The following NPM2 variants were observed in gnomAD, a reference collection of about 807,000 sequenced individuals.
The protein encoded by NPM2 is nucleophosmin/nucleoplasmin 2, also known as nucleoplasmin-2.
In NPM2, 25 loss-of-function variants were observed where a neutral mutation model predicts 32.0. That is an observed-to-expected ratio of 0.78 (90% CI 0.57 to 1.09). The LOEUF is 1.09. Ranked by LOEUF, NPM2 falls within the 50% of genes least tolerant of loss-of-function variation. The pLI, the probability that NPM2 is intolerant of heterozygous loss-of-function variation, is 0.00. For missense variants in NPM2, 282 were observed against 259.9 expected, an observed-to-expected ratio of 1.08 and a Z score of -0.58; for synonymous variants, 111 against 94.2, an observed-to-expected ratio of 1.18 and a Z score of -1.04.
At chr8:22,032,667 C>A (rs1211838177) in intron 5 of NPM2, among the ~76,000 whole-genome samples, 1 of 152,148 alleles carries the variant, frequency 6.6e-6, no homozygotes, top group Non-Finnish European at 1.5e-5. Flanking sequence ...TTGCAGACGG[C>A]AGCCTTCTTG....
At chr8:22,024,922 C>T (rs1800182054) in intron 2 of NPM2, 92 bp downstream of exon 2, 2 of 372,220 alleles carry the variant, frequency 5.4e-6, no homozygotes, top group Admixed American at 4.7e-5. Flanking sequence ...TTGAGTCAGG[C>T]CCAAGCGCAG....
Position 22,025,781 on chromosome 8 carries a change from T to G in NPM2, c.270+9T>G, listed in dbSNP as rs202104032. On this transcript the variant is annotated intron_variant, in intron 5 of 9. Transcript: ENST00000518119. The stretch of plus-strand genomic sequence containing the variant: ...CCTCAGTCCTCCCCATGGTGCGCAT[T>G]TCCCTGCTGGCTGGAAGACTGCTGT... 5.0e-5 allele frequency: 81 copies of G among 1,613,786 alleles called. No individual in the cohort carries two copies. In the African/African-American group the frequency reaches 9.7e-4, roughly 19 times the overall value.
In NPM2 at chr8:22,025,287, A is replaced by G. The variant is rs1563350081; in HGVS notation, c.39A>G (p.Ala13=). 1 of 1,611,122 alleles carries G rather than the reference A, an allele frequency of 6.2e-7. No individual in the cohort carries two copies. Among genetic ancestry groups the G allele is most frequent in the South Asian group, 1.1e-5 (1 of 90,618 alleles). The change falls in exon 3 of 10, where the codon GCA becomes GCG. Residue 13 remains alanine (A), a synonymous_variant. Coordinates refer to ENST00000518119, the MANE Select transcript of NPM2 (RefSeq NM_001286680.2). ...GCGCCAGTAGCACGGAGGAAAAGGCAGTGACGACCGTGCTCTGGGGTGAGT... is the reference window on the plus strand; with the variant it reads ...GCGCCAGTAGCACGGAGGAAAAGGCGGTGACGACCGTGCTCTGGGGTGAGT... The part of the protein sequence containing the change: ...LSSASSTEEK[A]VTTVLWGCEL...
At position 22,028,913 on chromosome 8, in the gene NPM2, GT is replaced by G. The variant is rs559883816; in HGVS notation, c.270+3142del. On this transcript the variant is annotated intron_variant, in intron 5 of 9. Transcript: ENST00000518119. ...TAATTGGATTTGTGGCATGTACTTT[GT>G]ACCCCTACTTTCCTTGCTTTTTTAT... Among the ~76,000 whole-genome samples the G allele has an allele frequency of 4.5e-4, 69 of 152,152 alleles. 1 individual carries two copies. In the South Asian group the frequency reaches 0.013, roughly 28 times the overall value.
chr8:22,036,279 A>G, intron 8 of NPM2: 2 of 537,430 alleles, frequency 3.7e-6, no homozygotes, highest in Non-Finnish European at 6.5e-6. Context: ...GACATTTGTG[A>G]TAACTAAATG....
intron 6 of NPM2, 138 bp downstream of exon 6, chr8:22,033,361 C>A: frequency 1.4e-6 from 1 of 726,080 alleles, no homozygotes; most frequent in Non-Finnish European, 2.4e-6. Context: ...CAGCCAGCAG[C>A]CTGGACTGGA....
chr8:22,032,350 A>G (rs1800469066), intron 5 of NPM2, among the ~76,000 whole-genome samples: 1 of 152,184 alleles, frequency 6.6e-6, no homozygotes, highest in Non-Finnish European at 1.5e-5. Context: ...AGTACTGTAG[A>G]GGCTCTTGTC....
chr8:22,025,680 C>A lies in NPM2; in HGVS notation c.178C>A (p.His60Asn). The part of the protein sequence containing the change: ...CLGEKAKEEM[H>N]RVEILPPANQ... ...GGGGGAGAAAGCCAAAGAGGAGATG[C>A]ATCGCGTGGAGATCCTGCCCCCAGC... Residue 60 changes from histidine (H) to asparagine (N), a missense_variant, in exon 5 of 10, where the codon CAT becomes AAT. Transcript: ENST00000518119. 1.2e-6 allele frequency: 2 copies of A among 1,614,158 alleles called. No homozygotes were observed. The highest frequency in any genetic ancestry group is 1.7e-6 in the Non-Finnish European group (2 of 1,180,020).
chr8:22,033,722 G>C (rs1430735208), intron 6 of NPM2, among the ~76,000 whole-genome samples: 2 of 152,110 alleles, frequency 1.3e-5, no homozygotes, highest in Non-Finnish European at 2.9e-5. Context: ...TTAGGATAAG[G>C]TTTCAATTCT....
intron 5 of NPM2, among the ~76,000 whole-genome samples, chr8:22,029,839 T>C (rs1250184323): frequency 6.6e-6 from 1 of 152,222 alleles, no homozygotes; most frequent in African/African-American, 2.4e-5. Flanking sequence ...GTCTGATTAT[T>C]CCCTTTTTGG....
At position 22,034,290 on chromosome 8, in the gene NPM2, G is replaced by A. The variant is rs367747858; in HGVS notation, c.531+15G>A. On this transcript the variant is annotated intron_variant, in intron 7 of 9. Coordinates refer to ENST00000518119, the MANE Select transcript of NPM2 (RefSeq NM_001286680.2). ...GCGTGGCTAAGGTGGGGGAAGGAGC[G>A]TGGCTGTTTGGAAGGAAGTGGTACC... 9 of 1,567,570 alleles carry A rather than the reference G, an allele frequency of 5.7e-6. No individual in the cohort carries two copies. The African/African-American group carries it at 8.2e-5, about 14-fold the overall frequency.
chr8:22,032,389 C>T (rs1158107646), intron 5 of NPM2, among the ~76,000 whole-genome samples: 4 of 152,128 alleles, frequency 2.6e-5, no homozygotes, highest in South Asian at 4.1e-4. Context: ...TGGGGTTTCA[C>T]GCTCGTGTGT....
At chr8:22,034,377 T>C (rs72607396) in intron 7 of NPM2, 102 bp downstream of exon 7, 98,054 of 1,384,450 alleles carry the variant, frequency 0.071, 5,844 homozygotes, top group East Asian at 0.36. Context: ...CCAGAATGAG[T>C]GTACAGGATG....
intron 5 of NPM2, among the ~76,000 whole-genome samples, chr8:22,032,206 G>C (rs923324143): frequency 2.0e-5 from 3 of 152,224 alleles, no homozygotes; most frequent in Non-Finnish European, 4.4e-5. Context: ...TGTCATTCGA[G>C]AAAATTTGGG....
At chr8:22,033,747 TA>T (rs1346520677) in intron 6 of NPM2, among the ~76,000 whole-genome samples, 1 of 152,202 alleles carries the variant, frequency 6.6e-6, no homozygotes, top group Non-Finnish European at 1.5e-5. Context: ...CTATTTGTTT[TA>T]GATTCTTTCC....
At chr8:22,030,657 T>TAC (rs1800407460) in intron 5 of NPM2, among the ~76,000 whole-genome samples, 3 of 150,480 alleles carry the variant, frequency 2.0e-5, no homozygotes, top group African/African-American at 7.4e-5. Flanking sequence ...AACATATACA[T>TAC]ATATATATAT....
rs754816226 is a variant in NPM2 at position 22,034,205 on chromosome 8, C to T, written c.461C>T (p.Ser154Phe). 3 of 1,612,636 alleles carry T rather than the reference C, an allele frequency of 1.9e-6. No individual in the cohort carries two copies. The highest frequency in any genetic ancestry group is 2.5e-6 in the Non-Finnish European group (3 of 1,179,412). ...EDDEDEDADI[S>F]LEEQSPVKQV... ...GATGAGGATGAGGATGCAGATATAT[C>T]TCTGGAGGAGCAAAGCCCTGTCAAA... The change falls in exon 7 of 10, where the codon TCT (serine) becomes TTT (phenylalanine). Residue 154 changes from serine (S) to phenylalanine (F), a missense_variant. By Grantham distance (155) the Ser-to-Phe change is radical. Coordinates refer to ENST00000518119, the MANE Select transcript of NPM2 (RefSeq NM_001286680.2).
At chr8:22,028,885 A>G (rs1027034286) in intron 5 of NPM2, among the ~76,000 whole-genome samples, 5 of 152,026 alleles carry the variant, frequency 3.3e-5, no homozygotes, top group Admixed American at 3.3e-4. Context: ...GTGATTGCTG[A>G]TGTAATTGGA....
intron 8 of NPM2, 67 bp from the exon 9 acceptor site, chr8:22,036,426 G>A (rs377666223): frequency 3.2e-5 from 48 of 1,523,794 alleles, no homozygotes; most frequent in South Asian, 6.0e-5. Context: ...GGGCCACGCC[G>A]CTGGTCTGGA....
Sources: allele counts gnomAD v4.1 joint callset (sites outside exome capture counted in the v4.1 genomes callset), GRCh38; gene constraint gnomAD v4.1.1; transcripts MANE v1.5; gene names NCBI Gene and HGNC (gene_info 2026-07-23, HGNC 2026-07-21).